Variants in SUCLG2 observed in about 807,000 individuals in gnomAD.
SUCLG2 encodes succinate-CoA ligase GDP-forming subunit beta.
Under a neutral mutation model 47.9 loss-of-function variants are expected in SUCLG2, and 42 were observed. The ratio of observed to expected loss-of-function variants is 0.88; its 90% CI spans 0.69 to 1.14. The LOEUF (loss-of-function observed/expected upper bound fraction) is 1.14. SUCLG2 is among the 50% of genes most tolerant of loss of function. The probability of loss-of-function intolerance (pLI) is 0.00; values close to 1 mark genes in which losing one functional copy is unlikely to be tolerated. For missense variants in SUCLG2, 571 were observed against 525.9 expected (o/e 1.09, Z -0.84); for synonymous variants, 195 against 197.3 (o/e 0.99, Z 0.10).
intron 9 of SUCLG2, among the ~76,000 whole-genome samples, chr3:67,402,924 AG>A (rs1702720225): frequency 6.6e-6 from 1 of 152,228 alleles, no homozygotes; most frequent in Non-Finnish European, 1.5e-5. Context: ...CTAAACAGGC[AG>A]GAGTGAGGGA....
chr3:67,534,018 T>C (rs1431045516), intron 2 of SUCLG2, among the ~76,000 whole-genome samples: 4 of 152,284 alleles, frequency 2.6e-5, no homozygotes, highest in Admixed American at 2.0e-4. Context: ...GGCTCTCCAG[T>C]AGACTGCTGC....
intron 9 of SUCLG2, among the ~76,000 whole-genome samples, chr3:67,406,672 G>C (rs890034540): frequency 6.6e-6 from 1 of 152,198 alleles, no homozygotes; most frequent in African/African-American, 2.4e-5. Context: ...CTGAGAAGTA[G>C]AGTGATGGAA....
At chr3:67,646,386 G>A (rs987970575) in intron 1 of SUCLG2, among the ~76,000 whole-genome samples, 4 of 152,168 alleles carry the variant, frequency 2.6e-5, no homozygotes, top group African/African-American at 9.7e-5. Context: ...CCTGAGGTCA[G>A]GAGTTGAAGA....
In SUCLG2 at chr3:67,467,966, T is replaced by C. The variant is rs552832544; in HGVS notation, c.1062+27832A>G. Among the ~76,000 whole-genome samples, 25 of 152,198 alleles carry C rather than the reference T, an allele frequency of 1.6e-4. No homozygotes were observed. The South Asian group carries it at 2.3e-3, about 14-fold the overall frequency. ...TAATGCATGCTGTCGAGAAATGCTA[T>C]TGTGAAAATGAATAGGAGAGAAAAG... On this transcript the variant is annotated intron_variant, in intron 9 of 10. Coordinates refer to ENST00000307227, the MANE Select transcript of SUCLG2 (RefSeq NM_003848.4).
chr3:67,494,819 A>G (rs1183169497), intron 9 of SUCLG2, among the ~76,000 whole-genome samples: 4 of 152,180 alleles, frequency 2.6e-5, no homozygotes, highest in Non-Finnish European at 1.5e-5. Context: ...AGGTGAAACA[A>G]AGCATACTGA....
chr3:67,439,613 G>A (rs914591841), intron 9 of SUCLG2, among the ~76,000 whole-genome samples: 3 of 152,068 alleles, frequency 2.0e-5, no homozygotes, highest in Non-Finnish European at 4.4e-5. Flanking sequence ...CAAATCATGA[G>A]TGAACTCCCA....
intron 4 of SUCLG2, among the ~76,000 whole-genome samples, chr3:67,527,010 T>C (rs2107143024): frequency 6.6e-6 from 1 of 152,352 alleles, no homozygotes; most frequent in Middle Eastern, 3.4e-3. Context: ...GAAAAAGGAC[T>C]GTAACGGGAT....
intron 9 of SUCLG2, among the ~76,000 whole-genome samples, chr3:67,473,982 G>A (rs1341498845): frequency 6.6e-6 from 1 of 152,124 alleles, no homozygotes; most frequent in Non-Finnish European, 1.5e-5. Flanking sequence ...AACAGGTCAG[G>A]CATGGTGGCT....
At chr3:67,560,928 T>C (rs1389115020) in intron 2 of SUCLG2, among the ~76,000 whole-genome samples, 6 of 150,854 alleles carry the variant, frequency 4.0e-5, no homozygotes, top group Non-Finnish European at 8.8e-5. Context: ...TCCATTTTTT[T>C]CCTTCCCTCC....
At chr3:67,428,495 A>G (rs1703368330) in intron 9 of SUCLG2, among the ~76,000 whole-genome samples, 1 of 152,228 alleles carries the variant, frequency 6.6e-6, no homozygotes, top group South Asian at 2.1e-4. Flanking sequence ...ATGGTGAGAA[A>G]CCAGAGCAGA....
intron 1 of SUCLG2, among the ~76,000 whole-genome samples, chr3:67,622,749 C>A (rs1700756937): frequency 6.6e-6 from 1 of 152,014 alleles, no homozygotes; most frequent in South Asian, 2.1e-4. Context: ...TTAATAAGAT[C>A]TGAAGGAAAC....
At chr3:67,398,050 C>G (rs772614202) in intron 10 of SUCLG2, among the ~76,000 whole-genome samples, 2 of 150,500 alleles carry the variant, frequency 1.3e-5, no homozygotes, top group Admixed American at 6.6e-5. Context: ...AATGTTAGAA[C>G]TAAAACCATA....
At chr3:67,643,028 T>C (rs1701128958) in intron 1 of SUCLG2, among the ~76,000 whole-genome samples, 1 of 152,142 alleles carries the variant, frequency 6.6e-6, no homozygotes, top group African/African-American at 2.4e-5. Flanking sequence ...CCTGAGCTAC[T>C]GGGATGGGCA....
intron 2 of SUCLG2, among the ~76,000 whole-genome samples, chr3:67,532,877 G>A (rs1706440264): frequency 6.6e-6 from 1 of 151,922 alleles, no homozygotes; most frequent in Admixed American, 6.6e-5. Context: ...TACCACAAGT[G>A]TTATTCTAAT....
chr3:67,516,368 G>A (rs1705944962), intron 6 of SUCLG2, among the ~76,000 whole-genome samples: 1 of 152,112 alleles, frequency 6.6e-6, no homozygotes, highest in Admixed American at 6.6e-5. Context: ...CCATTTAAGA[G>A]CTGTAAATAA....
intron 2 of SUCLG2, among the ~76,000 whole-genome samples, chr3:67,546,239 TACC>T (rs1189530504): frequency 1.3e-5 from 2 of 152,180 alleles, no homozygotes; most frequent in Non-Finnish European, 2.9e-5. Context: ...TTTGGAATTA[TACC>T]ACCCAAGACA....
At chr3:67,413,954 A>G (rs895555257) in intron 9 of SUCLG2, among the ~76,000 whole-genome samples, 12 of 152,230 alleles carry the variant, frequency 7.9e-5, no homozygotes, top group Non-Finnish European at 1.5e-4. Flanking sequence ...TGTTAAATCC[A>G]AAAAATAGTT....
chr3:67,406,463 G>A (rs914294819), intron 9 of SUCLG2, among the ~76,000 whole-genome samples: 7 of 152,224 alleles, frequency 4.6e-5, no homozygotes, highest in Middle Eastern at 3.2e-3. Flanking sequence ...ACCAGGTGGT[G>A]AGGGAGGGCC....
chr3:67,462,942 A>C (rs190785033), intron 9 of SUCLG2, among the ~76,000 whole-genome samples: 2,786 of 151,356 alleles, frequency 0.018, 43 homozygotes, highest in South Asian at 0.032. Context: ...GGTGGGGAAA[A>C]CCCCCCACAC....
Sources: allele counts gnomAD v4.1 joint callset (sites outside exome capture counted in the v4.1 genomes callset), GRCh38; gene constraint gnomAD v4.1.1; transcripts MANE v1.5; gene names NCBI Gene and HGNC (gene_info 2026-07-23, HGNC 2026-07-21).